FRMPD1: variants seen among roughly 807,000 people sequenced by gnomAD.
FRMPD1 encodes FERM and PDZ domain containing 1.
Under a neutral mutation model 117.8 loss-of-function variants are expected in FRMPD1, and 76 were observed. The observed-to-expected ratio is 0.65, with a 90% CI of 0.54 to 0.78. The LOEUF is 0.78. FRMPD1 is among the 30% of genes least tolerant of loss of function. The probability of loss-of-function intolerance (pLI) is 0.00; values close to 1 mark genes in which losing one functional copy is unlikely to be tolerated. For synonymous variants in FRMPD1, 783 were observed against 770.4 expected, an observed-to-expected ratio of 1.02 and a Z score of -0.27; for missense variants, 1,786 against 1,964.5, an observed-to-expected ratio of 0.91 and a Z score of 1.72.
chr9:37,653,894 G>A (rs966776141), intron 1 of FRMPD1, among the ~76,000 whole-genome samples: 13 of 152,122 alleles, frequency 8.5e-5, no homozygotes, highest in African/African-American at 2.4e-4. Flanking sequence ...AGTCTCACTC[G>A]AGACTGCGGT....
intron 7 of FRMPD1, among the ~76,000 whole-genome samples, chr9:37,726,377 T>C (rs1247909205): frequency 2.0e-5 from 3 of 152,194 alleles, no homozygotes; most frequent in Non-Finnish European, 4.4e-5. Context: ...GTGCCAGGCA[T>C]TTCTATATCA....
chr9:37,728,594 C>G (rs111468888), intron 7 of FRMPD1, among the ~76,000 whole-genome samples: 62 of 152,248 alleles, frequency 4.1e-4, no homozygotes, highest in African/African-American at 1.4e-3. Context: ...ACAACCATTC[C>G]GTCCTGTCAG....
At chr9:37,633,727 A>C in the FRMPD1 span, among the ~76,000 whole-genome samples, 1 of 152,182 alleles carries the variant, frequency 6.6e-6, no homozygotes, top group East Asian at 1.9e-4. Context: ...TGGGCATGGT[A>C]GCATGCACCT....
chr9:37,725,617 G>A (rs1408869438), intron 7 of FRMPD1, among the ~76,000 whole-genome samples: 1 of 152,164 alleles, frequency 6.6e-6, no homozygotes, highest in Non-Finnish European at 1.5e-5. Context: ...TCTGAACCTG[G>A]GGAACTCCAA....
At chr9:37,644,557 A>C in the FRMPD1 span, among the ~76,000 whole-genome samples, 1 of 152,138 alleles carries the variant, frequency 6.6e-6, no homozygotes, top group Non-Finnish European at 1.5e-5. Context: ...GTGGCCCCCC[A>C]TCTTCAGAGA....
intron 1 of FRMPD1, chr9:37,668,341 C>T (rs1343305391): frequency 1.3e-5 from 2 of 152,350 alleles, no homozygotes; most frequent in Non-Finnish European, 2.9e-5. Flanking sequence ...GCCCGTGCCA[C>T]AGAGATACCA....
chr9:37,663,101 A>C (rs1241294174), intron 1 of FRMPD1, among the ~76,000 whole-genome samples: 1 of 152,146 alleles, frequency 6.6e-6, no homozygotes, highest in Non-Finnish European at 1.5e-5. Context: ...GCCCATTAGA[A>C]GTTTAGCCTA....
the FRMPD1 span, chr9:37,636,904 C>T: frequency 4.3e-6 from 7 of 1,610,380 alleles, no homozygotes; most frequent in Non-Finnish European, 5.9e-6. Context: ...TGTTGTCCAC[C>T]ACCTTCTTGG....
the FRMPD1 span, among the ~76,000 whole-genome samples, chr9:37,607,266 G>T: frequency 6.6e-6 from 1 of 152,028 alleles, no homozygotes; most frequent in Non-Finnish European, 1.5e-5. Context: ...CAGGGAGCCA[G>T]GATCACACCA....
intron 1 of FRMPD1, among the ~76,000 whole-genome samples, chr9:37,658,980 C>T (rs1020442808): frequency 2.0e-5 from 3 of 152,138 alleles, no homozygotes; most frequent in Non-Finnish European, 4.4e-5. Context: ...ATCCTCCCAC[C>T]TCAGCCTTCT....
chr9:37,696,092 C>T (rs923696760), intron 2 of FRMPD1, among the ~76,000 whole-genome samples: 3 of 127,368 alleles, frequency 2.4e-5, no homozygotes, highest in Non-Finnish European at 3.2e-5. Flanking sequence ...TAGAAGTCAT[C>T]GAGCTCTTTC....
chr9:37,746,456 A>G lies in FRMPD1; in HGVS notation c.4424A>G (p.His1475Arg), dbSNP rs987228923. The G allele has an allele frequency of 1.2e-6, 2 of 1,613,620 alleles. No homozygotes were observed. The highest frequency in any genetic ancestry group is 1.7e-6 in the Non-Finnish European group (2 of 1,180,040). The change falls in exon 16 of 16, where the codon CAT becomes CGT. Residue 1475 changes from histidine (H) to arginine (R), a missense_variant. His to Arg is a conservative substitution (Grantham distance 29). Coordinates refer to ENST00000377765, the MANE Select transcript of FRMPD1 (RefSeq NM_014907.3). ...GSQKLLSSCR[H>R]VIRMDQSPEE... ...CAGAAGCTCCTGTCGAGCTGTCGGC[A>G]TGTGATCAGAATGGACCAGTCCCCC...
intron 1 of FRMPD1, among the ~76,000 whole-genome samples, chr9:37,682,405 T>G (rs2117938061): frequency 6.6e-6 from 1 of 152,322 alleles, no homozygotes; most frequent in East Asian, 1.9e-4. Flanking sequence ...AGATGTTGGA[T>G]TTTAGGGATG....
chr9:37,631,964 T>A, the FRMPD1 span, among the ~76,000 whole-genome samples: 1 of 152,146 alleles, frequency 6.6e-6, no homozygotes, highest in Non-Finnish European at 1.5e-5. Flanking sequence ...ATGATTTTTT[T>A]CCTGATAAGA....
intron 1 of FRMPD1, among the ~76,000 whole-genome samples, chr9:37,681,255 T>TAAAC (rs1286442696): frequency 7.4e-6 from 1 of 135,756 alleles, no homozygotes; most frequent in Non-Finnish European, 1.7e-5. Context: ...AAAAAGAAAA[T>TAAAC]AAACAATTGG....
chr9:37,686,467 C>G (rs541461988), intron 1 of FRMPD1, among the ~76,000 whole-genome samples: 15 of 152,342 alleles, frequency 9.8e-5, no homozygotes, highest in East Asian at 7.7e-4. Context: ...TTACTTCCTT[C>G]CATTAGCCCA....
chr9:37,733,549 A>G lies in FRMPD1; in HGVS notation c.1072A>G (p.Ile358Val), dbSNP rs368540362. The G allele has an allele frequency of 5.6e-6, 9 of 1,614,006 alleles. No homozygotes were observed. The highest frequency in any genetic ancestry group is 5.1e-6 in the Non-Finnish European group (6 of 1,179,832). Residue 358 changes from isoleucine (I) to valine (V), a missense_variant, in exon 11 of 16, where the codon ATT becomes GTT. Physicochemically the swap from Ile to Val is conservative, Grantham distance 29. Coordinates refer to ENST00000377765, the MANE Select transcript of FRMPD1 (RefSeq NM_014907.3). ...GAAAGGCAAAGACATCAAGAAAGCC[A>G]TTAGCTTCCACATGAAGAGGAACCA... ...NMKGKDIKKA[I>V]SFHMKRNQNL...
intron 12 of FRMPD1, among the ~76,000 whole-genome samples, 161 bp downstream of exon 12, chr9:37,733,986 G>C (rs113468137): frequency 0.018 from 2,717 of 152,248 alleles, 78 homozygotes; most frequent in African/African-American, 0.062. Flanking sequence ...TTTACCACGC[G>C]TTTGCTTGGT....
rs963983241 is a variant in FRMPD1 at position 37,746,757 on chromosome 9, C to A, written c.4725C>A (p.Ser1575=). 6.2e-7 allele frequency: 1 copy of A among 1,613,590 alleles called. No individual in the cohort carries two copies. Among genetic ancestry groups the A allele is most frequent in the Admixed American group, 1.7e-5 (1 of 60,012 alleles). The change falls in exon 16 of 16, where the codon TCC becomes TCA. Residue 1575 remains serine (S), a synonymous_variant. Transcript: ENST00000377765. ...VFCLTQKFRA[S]TAL Reference sequence around the variant, plus strand: ...GTTTGACCCAGAAGTTCCGGGCATCCACGGCCCTGTAAACAGGTCAACGGC... The same window carrying A: ...GTTTGACCCAGAAGTTCCGGGCATCAACGGCCCTGTAAACAGGTCAACGGC...
Sources: gnomAD v4.1 joint callset for allele counts (sites outside exome capture counted in the v4.1 genomes callset) on GRCh38, gnomAD v4.1.1 for gene constraint, MANE v1.5 for transcripts, NCBI Gene and HGNC (gene_info 2026-07-23, HGNC 2026-07-21) for gene names.